The following ABCA12 variants were observed in gnomAD, a reference collection of about 807,000 sequenced individuals.
ABCA12 encodes the protein glucosylceramide transporter ABCA12.
Under a neutral mutation model 293.5 loss-of-function variants are expected in ABCA12, and 156 were observed. The observed-to-expected ratio is 0.53, with a 90% CI of 0.47 to 0.61. The LOEUF is 0.61. ABCA12 is among the 20% of genes least tolerant of loss of function. The pLI is 0.00. For missense variants in ABCA12, 2,797 were observed against 3,090.2 expected (o/e 0.91, Z 2.25); for synonymous variants, 1,063 against 1,108.0 (o/e 0.96, Z 0.81).
intron 2 of ABCA12, among the ~76,000 whole-genome samples, chr2:215,071,105 G>A (rs1194681948): frequency 6.6e-6 from 1 of 151,658 alleles, no homozygotes; most frequent in Admixed American, 6.6e-5. Context: ...GCTGAGGTAG[G>A]AGAATCGCTT....
chr2:215,043,184 A>G (rs1283745053), intron 7 of ABCA12, among the ~76,000 whole-genome samples: 1 of 152,134 alleles, frequency 6.6e-6, no homozygotes, highest in African/African-American at 2.4e-5. Flanking sequence ...TGAGCATTTT[A>G]AAAATACACG....
At chr2:214,937,640 G>T (rs1288454427) in intron 50 of ABCA12, 25 bp from the exon 51 acceptor site, 35 of 1,560,172 alleles carry the variant, frequency 2.2e-5, no homozygotes, top group Non-Finnish European at 3.1e-5. Flanking sequence ...TGCAAAATAT[G>T]ATATGAATTA....
In ABCA12 at chr2:215,064,177, G is replaced by T; in HGVS notation, c.206C>A (p.Pro69Gln). 1 of 1,612,738 alleles carries T rather than the reference G, an allele frequency of 6.2e-7. No homozygotes were observed. The highest frequency in any genetic ancestry group is 8.5e-7 in the Non-Finnish European group (1 of 1,179,188). Reference protein sequence around the residue: ...PRNLPSTGFFPFLQTLLCDTD... With the variant: ...PRNLPSTGFFQFLQTLLCDTD... ...GTCACAGAGTAGGGTCTGCAGGAAT[G>T]GAAAGAATCCAGTACTAGGAAGGTT... The change falls in exon 3 of 53, where the codon CCA becomes CAA. Residue 69 changes from proline to glutamine, a missense_variant. Pro to Gln is a moderately conservative substitution (Grantham distance 76). Transcript: ENST00000272895.
chr2:214,974,464 T>C lies in ABCA12; in HGVS notation c.5468+314A>G, dbSNP rs186146255. On this transcript the variant is annotated intron_variant, in intron 35 of 52. Transcript: ENST00000272895. ...AATGAGAACTGGAGTCTCAGCTAGA[T>C]AAGTATCTTGGTCTCTGTGGGCCTC... 5.3e-5 allele frequency among the ~76,000 whole-genome samples: 8 copies of C among 152,312 alleles called. No homozygotes were observed. In the East Asian group the frequency reaches 1.3e-3, roughly 26 times the overall value.
chr2:215,028,409 C>A (rs1475697087), intron 9 of ABCA12, among the ~76,000 whole-genome samples: 2 of 152,156 alleles, frequency 1.3e-5, no homozygotes, highest in African/African-American at 4.8e-5. Context: ...TATTCATAGT[C>A]TTTATATTTT....
At chr2:215,085,905 T>C (rs966595022) in intron 2 of ABCA12, among the ~76,000 whole-genome samples, 3 of 152,088 alleles carry the variant, frequency 2.0e-5, no homozygotes, top group African/African-American at 7.2e-5. Context: ...CTAATATAAA[T>C]GAAAAAATCA....
chr2:215,065,713 G>C (rs1701628488), intron 2 of ABCA12, among the ~76,000 whole-genome samples: 1 of 151,900 alleles, frequency 6.6e-6, no homozygotes, highest in East Asian at 1.9e-4. Context: ...ATGCAGCCCT[G>C]CTGAGACCTT....
intron 2 of ABCA12, among the ~76,000 whole-genome samples, chr2:215,066,883 G>A (rs1701649843): frequency 6.6e-6 from 1 of 152,054 alleles, no homozygotes; most frequent in Admixed American, 6.6e-5. Context: ...AATAACAACA[G>A]TGATTTATTA....
intron 23 of ABCA12, among the ~76,000 whole-genome samples, chr2:214,995,124 G>C (rs905412540): frequency 6.6e-6 from 1 of 152,056 alleles, no homozygotes; most frequent in African/African-American, 2.4e-5. Context: ...AAACTTATTA[G>C]ATTTGTGCTA....
At chr2:215,003,092 A>G (rs1315163676) in intron 20 of ABCA12, among the ~76,000 whole-genome samples, 2 of 152,156 alleles carry the variant, frequency 1.3e-5, no homozygotes, top group Non-Finnish European at 2.9e-5. Context: ...CAATACAAAT[A>G]TAGGCATAAT....
chr2:215,081,196 G>A (rs1701928986), intron 2 of ABCA12, among the ~76,000 whole-genome samples: 1 of 152,128 alleles, frequency 6.6e-6, no homozygotes, highest in South Asian at 2.1e-4. Context: ...CAAGCAAACA[G>A]GCCAGCTGCA....
rs1553539498 is a variant in ABCA12, at chr2:215,062,684, C to CAGCATGCAA, written c.317+1381_317+1382insTTGCATGCT. Among the ~76,000 whole-genome samples, 3 of 151,420 alleles carry CAGCATGCAA rather than the reference C, an allele frequency of 2.0e-5. No individual in the cohort carries two copies. In the South Asian group the frequency reaches 6.3e-4, roughly 32 times the overall value. ...CACCTCAGGATCATTTGCTGTTTCT[C>CAGCATGCAA]GGCATGCAACACTCTCTTCCAGATA... On this transcript the variant is annotated intron_variant, in intron 3 of 52. Coordinates refer to ENST00000272895, the MANE Select transcript of ABCA12 (RefSeq NM_173076.3).
rs772078473 is a variant in ABCA12 at position 214,932,677 on chromosome 2, G to C, written c.7745C>G (p.Ser2582Cys). The change falls in exon 53 of 53, where the codon TCC (serine) becomes TGC (cysteine). Residue 2582 changes from serine (S) to cysteine (C), a missense_variant. By Grantham distance (112) the Ser-to-Cys change is moderately radical. This residue lies in a region of ABCA12 where 2,130 missense variants were observed against 2,427.0 expected (regional missense o/e 0.88). Coordinates refer to ENST00000272895, the MANE Select transcript of ABCA12 (RefSeq NM_173076.3). Reference protein sequence around the residue: ...YETADTSSQGSTISVDSQDDQ... With the variant: ...YETADTSSQGCTISVDSQDDQ... ...ATCTTGTGAGTCAACACTTATAGTG[G>C]AACCTTGGCTGCTGGTATCAGCAGT... The C allele has an allele frequency of 1.2e-6, 2 of 1,613,526 alleles. No homozygotes were observed. The highest frequency in any genetic ancestry group is 1.3e-5 in the African/African-American group (1 of 74,886).
chr2:214,939,560 G>A (rs1698329750), intron 50 of ABCA12, among the ~76,000 whole-genome samples: 1 of 152,104 alleles, frequency 6.6e-6, no homozygotes, highest in Non-Finnish European at 1.5e-5. Context: ...TGGACAGTAT[G>A]GCCATTTTCA....
chr2:214,951,768 T>G (rs1698780266), intron 44 of ABCA12, among the ~76,000 whole-genome samples: 1 of 152,052 alleles, frequency 6.6e-6, no homozygotes, highest in Non-Finnish European at 1.5e-5. Context: ...AAAAAGAATG[T>G]TTTTTTCAAT....
At chr2:215,008,100 T>G (rs562569827) in intron 18 of ABCA12, among the ~76,000 whole-genome samples, 54 of 152,302 alleles carry the variant, frequency 3.5e-4, no homozygotes, top group Admixed American at 2.0e-4. Context: ...ATAGCCAAAA[T>G]GAAAGCCTGA....
rs1700472497 is a variant in ABCA12, at chr2:215,015,473, A to G, written c.1956+17T>C. The G allele has an allele frequency of 6.2e-7, 1 of 1,608,898 alleles. No individual in the cohort carries two copies. Among genetic ancestry groups the G allele is most frequent in the Non-Finnish European group, 8.5e-7 (1 of 1,175,532 alleles). ...ATAAACCATGAATATAAACATATTT[A>G]ACCAACAGCAACTTGCCTTGTATGT... On this transcript the variant is annotated intron_variant, in intron 15 of 52. Coordinates refer to ENST00000272895, the MANE Select transcript of ABCA12 (RefSeq NM_173076.3).
At chr2:215,001,355 T>C (rs1424287750) in intron 21 of ABCA12, among the ~76,000 whole-genome samples, 3 of 152,224 alleles carry the variant, frequency 2.0e-5, no homozygotes, top group African/African-American at 7.2e-5. Flanking sequence ...CTTTTCAATC[T>C]TAATTTGAAG....
chr2:214,953,880 G>A lies in ABCA12; in HGVS notation c.6621C>T (p.Ile2207=), dbSNP rs1698856865. 6.2e-7 allele frequency: 1 copy of A among 1,613,866 alleles called. No individual in the cohort carries two copies. Among genetic ancestry groups the A allele is most frequent in the Non-Finnish European group, 8.5e-7 (1 of 1,179,910 alleles). ...GTMFFSLRLL[I]NESLIKKLRL... ...TGAGTTTCTTTATCAGGGATTCGTTGATTAAGAGTCGCAAGGAAAAAAACA... is the reference window on the plus strand; with the variant it reads ...TGAGTTTCTTTATCAGGGATTCGTTAATTAAGAGTCGCAAGGAAAAAAACA... The change falls in exon 44 of 53, where the codon ATC becomes ATT. Residue 2207 remains isoleucine, a synonymous_variant. Coordinates refer to ENST00000272895, the MANE Select transcript of ABCA12 (RefSeq NM_173076.3).
Sources: allele counts gnomAD v4.1 joint callset (sites outside exome capture counted in the v4.1 genomes callset), GRCh38; gene constraint gnomAD v4.1.1; regional missense constraint gnomAD v4.1.1; transcripts MANE v1.5; gene names NCBI Gene and HGNC (gene_info 2026-07-23, HGNC 2026-07-21).